The following ADGRG2 variants were observed in gnomAD, a reference collection of about 807,000 sequenced individuals.
The protein encoded by ADGRG2 is adhesion G protein-coupled receptor G2, also known as G protein-coupled receptor 64.
In ADGRG2, 26 loss-of-function variants were observed where a neutral mutation model predicts 74.1. The observed-to-expected ratio is 0.35, with a 90% CI of 0.26 to 0.49. The LOEUF (loss-of-function observed/expected upper bound fraction) is 0.49, where lower values mean the gene tolerates loss of function less well. Among genes scored for constraint, ADGRG2 ranks in the 20% least tolerant of loss-of-function variants. The pLI, the probability that ADGRG2 is intolerant of heterozygous loss-of-function variation, is 0.99. For synonymous variants in ADGRG2, 296 were observed against 295.2 expected (o/e 1.00, Z -0.03); for missense variants, 619 against 763.1 (o/e 0.81, Z 2.22).
intron 8 of ADGRG2, chrX:19,033,044 GCGAAATC>G (rs1419140888): frequency 8.9e-6 from 1 of 111,818 alleles, no homozygotes; most frequent in Non-Finnish European, 1.9e-5. Context: ...GGGCAACGTG[GCGAAATC>G]CTGTCTCTAC....
chrX:19,068,261 T>C (rs1308440604), intron 3 of ADGRG2, among the ~76,000 whole-genome samples: 1 of 112,445 alleles, frequency 8.9e-6, no homozygotes, highest in Non-Finnish European at 1.9e-5. Flanking sequence ...AATGGGTCAA[T>C]GCATACAGTG....
intron 1 of ADGRG2, among the ~76,000 whole-genome samples, chrX:19,084,328 G>A (rs958673297): frequency 7.3e-5 from 8 of 110,104 alleles, no homozygotes; most frequent in Non-Finnish European, 1.3e-4. Context: ...GGGAGGGGGT[G>A]GGTAGAGAAT....
intron 1 of ADGRG2, among the ~76,000 whole-genome samples, chrX:19,120,759 GA>G (rs2062596856): frequency 3.6e-5 from 4 of 112,496 alleles, no homozygotes; most frequent in African/African-American, 1.3e-4. Context: ...GCATGTCCAT[GA>G]AGCCAGCCCT....
intron 1 of ADGRG2, among the ~76,000 whole-genome samples, chrX:19,110,685 CA>C (rs1341823890): frequency 1.7e-5 from 1 of 58,840 alleles, no homozygotes; most frequent in Non-Finnish European, 3.0e-5. Flanking sequence ...GACTCTATCT[CA>C]AAAAAAAACA....
At chrX:19,091,492 TCACACACACACACACACACACACA>T (rs57540002) in intron 1 of ADGRG2, among the ~76,000 whole-genome samples, 1 of 82,637 alleles carries the variant, frequency 1.2e-5, no homozygotes, top group African/African-American at 4.3e-5. Context: ...AGATTTTATG[TCACACACACACACACACACACACA>T]CACACACACA....
chrX:19,010,589 C>G lies in ADGRG2; in HGVS notation c.1265+24G>C, dbSNP rs769871065. On this transcript the variant is annotated intron_variant, in intron 17 of 28. Coordinates refer to ENST00000379869, the MANE Select transcript of ADGRG2 (RefSeq NM_001079858.3). ...ATCTTTGGAGGGTCCCCTCTTACCA[C>G]CACTTCAGTTTGCGAAGTCGTACCT... The G allele has an allele frequency of 2.5e-5, 29 of 1,180,802 alleles. No homozygotes were observed. The South Asian group carries it at 5.2e-4, about 21-fold the overall frequency.
intron 3 of ADGRG2, among the ~76,000 whole-genome samples, chrX:19,041,222 C>T (rs1199210909): frequency 8.9e-6 from 1 of 111,738 alleles, no homozygotes; most frequent in Non-Finnish European, 1.9e-5. Flanking sequence ...TCTTAATGGG[C>T]ATTTTGGTGT....
chrX:19,101,518 T>C (rs778955912), intron 1 of ADGRG2, among the ~76,000 whole-genome samples: 5 of 109,475 alleles, frequency 4.6e-5, no homozygotes, highest in Non-Finnish European at 9.5e-5. Flanking sequence ...CTGGGCAACA[T>C]GGTGAAACTC....
intron 1 of ADGRG2, among the ~76,000 whole-genome samples, chrX:19,098,009 T>C (rs1017883240): frequency 8.8e-6 from 1 of 113,132 alleles, no homozygotes. Flanking sequence ...ACTTGCTCAA[T>C]ATTACAAAGA....
intron 1 of ADGRG2, among the ~76,000 whole-genome samples, chrX:19,120,637 G>T (rs183901415): frequency 4.5e-5 from 5 of 111,358 alleles, no homozygotes; most frequent in Non-Finnish European, 9.4e-5. Flanking sequence ...CTCTTTCCAC[G>T]TATGGTGACT....
Position 19,119,761 on chromosome X carries a change from C to T in ADGRG2, c.-47+2681G>A, listed in dbSNP as rs1189574801. Among the ~76,000 whole-genome samples, 3 of 111,550 alleles carry T rather than the reference C, an allele frequency of 2.7e-5. No individual in the cohort carries two copies. The Admixed American group carries it at 2.9e-4, about 11-fold the overall frequency. Reference sequence around the variant, plus strand: ...CAGCCATGGAAAATCAGCTTCTTTGCTGGCTCTTCCTTGCACCTGAGCAAA... The same window carrying T: ...CAGCCATGGAAAATCAGCTTCTTTGTTGGCTCTTCCTTGCACCTGAGCAAA... On this transcript the variant is annotated intron_variant, in intron 1 of 28. Coordinates refer to ENST00000379869, the MANE Select transcript of ADGRG2 (RefSeq NM_001079858.3).
At chrX:19,070,399 C>A (rs190569757) in intron 2 of ADGRG2, among the ~76,000 whole-genome samples, 68 of 111,582 alleles carry the variant, frequency 6.1e-4, no homozygotes, top group African/African-American at 2.2e-3. Context: ...AATGCACGTG[C>A]TGGAGGTGGG....
intron 4 of ADGRG2, among the ~76,000 whole-genome samples, chrX:19,038,836 C>T (rs2060996999): frequency 1.8e-5 from 2 of 111,628 alleles, no homozygotes; most frequent in African/African-American, 6.5e-5. Context: ...CAGATATCAC[C>T]ATGATTCAGT....
At chrX:19,000,188 G>A (rs1200667195) in intron 24 of ADGRG2, among the ~76,000 whole-genome samples, 1 of 110,216 alleles carries the variant, frequency 9.1e-6, no homozygotes, top group Admixed American at 9.7e-5. Flanking sequence ...TCGTAGAGAC[G>A]GGGTTTCACC....
chrX:19,053,629 A>T (rs1286697305), intron 3 of ADGRG2, among the ~76,000 whole-genome samples: 3 of 112,321 alleles, frequency 2.7e-5, no homozygotes, highest in Non-Finnish European at 5.6e-5. Flanking sequence ...AGATAAGTGT[A>T]ACAGGACATA....
intron 1 of ADGRG2, among the ~76,000 whole-genome samples, chrX:19,115,974 C>G (rs1233746039): frequency 1.8e-5 from 2 of 109,881 alleles, no homozygotes; most frequent in Non-Finnish European, 3.8e-5. Flanking sequence ...CTTTGGGAGA[C>G]TGAGGCAGGA....
rs764977509 is a variant in ADGRG2, at chrX:19,003,153, T to C, written c.1962-39A>G. ...ATGAGAACAAGAATGAGCATTCTACTCTGCCAACCCTCCAACTTTTTTTTG... is the reference window on the plus strand; with the variant it reads ...ATGAGAACAAGAATGAGCATTCTACCCTGCCAACCCTCCAACTTTTTTTTG... On this transcript the variant is annotated intron_variant, in intron 23 of 28. Coordinates refer to ENST00000379869, the MANE Select transcript of ADGRG2 (RefSeq NM_001079858.3). The C allele has an allele frequency of 9.1e-6, 10 of 1,098,909 alleles. No homozygotes were observed. The Admixed American group carries it at 2.4e-4, about 26-fold the overall frequency. 90.6% of individuals were successfully genotyped at this position (1,098,909 alleles called of 1,213,427 possible). A position where few individuals can be genotyped will look rare whatever the true frequency, so the allele number is the denominator to read the frequency against.
At chrX:19,051,116 C>T (rs1427512451) in intron 3 of ADGRG2, among the ~76,000 whole-genome samples, 1 of 111,983 alleles carries the variant, frequency 8.9e-6, no homozygotes, top group Non-Finnish European at 1.9e-5. Context: ...GCTCTTTCGC[C>T]CAGGCCGGAC....
At chrX:19,016,588 ACAATGTG>A (rs766910513) in intron 15 of ADGRG2, among the ~76,000 whole-genome samples, 1 of 108,758 alleles carries the variant, frequency 9.2e-6, no homozygotes, top group African/African-American at 3.3e-5. Context: ...GTACATGTGC[ACAATGTG>A]CAGGTTAGTT....
Sources: allele counts gnomAD v4.1 joint callset (sites outside exome capture counted in the v4.1 genomes callset), GRCh38; gene constraint gnomAD v4.1.1; transcripts MANE v1.5; gene names NCBI Gene and HGNC (gene_info 2026-07-23, HGNC 2026-07-21).